Variants in SV2C observed in about 807,000 individuals in gnomAD.
SV2C encodes the protein synaptic vesicle glycoprotein 2C.
A neutral mutation model predicts 79.7 loss-of-function variants in SV2C; 49 were observed. The ratio of observed to expected loss-of-function variants is 0.61; its 90% CI spans 0.49 to 0.78. SV2C has a LOEUF of 0.78. Among genes scored for constraint, SV2C ranks in the 30% least tolerant of loss-of-function variants. The pLI is 0.00. For missense variants in SV2C, 833 were observed against 912.9 expected (o/e 0.91, Z 1.13); for synonymous variants, 334 against 333.2 (o/e 1.00, Z -0.03).
chr5:75,998,957 A>C, the SV2C span, among the ~76,000 whole-genome samples: 2 of 152,134 alleles, frequency 1.3e-5, no homozygotes, highest in African/African-American at 4.8e-5. Context: ...TACAAAAGAA[A>C]GAGTTTTAAT....
chr5:76,138,141 G>A (rs35273704), intron 2 of SV2C, among the ~76,000 whole-genome samples: 17,835 of 152,148 alleles, frequency 0.12, 1,122 homozygotes, highest in Non-Finnish European at 0.14. Context: ...CCCAGCTGTT[G>A]TTTCCTTTGT....
intron 4 of SV2C, among the ~76,000 whole-genome samples, chr5:76,219,629 G>A (rs527265846): frequency 6.6e-6 from 1 of 152,304 alleles, no homozygotes; most frequent in East Asian, 1.9e-4. Flanking sequence ...TTGTTTAGTA[G>A]GGGTAATATG....
chr5:76,174,854 A>T (rs1743473380), intron 2 of SV2C, among the ~76,000 whole-genome samples: 1 of 152,228 alleles, frequency 6.6e-6, no homozygotes, highest in Non-Finnish European at 1.5e-5. Context: ...CTGATGCTGG[A>T]GGCAGGCTTT....
chr5:75,941,667 G>T, the SV2C span, among the ~76,000 whole-genome samples: 1 of 152,190 alleles, frequency 6.6e-6, no homozygotes, highest in Non-Finnish European at 1.5e-5. Context: ...TATAACCCTT[G>T]TTATTGTCTT....
the SV2C span, among the ~76,000 whole-genome samples, chr5:75,976,264 A>G: frequency 6.6e-6 from 1 of 152,150 alleles, no homozygotes; most frequent in South Asian, 2.1e-4. Context: ...TTCAGATTTC[A>G]TATTCATTCT....
At chr5:75,935,068 G>A in the SV2C span, among the ~76,000 whole-genome samples, 1 of 151,940 alleles carries the variant, frequency 6.6e-6, no homozygotes, top group Non-Finnish European at 1.5e-5. Context: ...TTCCTATATG[G>A]TTACAGTTTA....
intron 2 of SV2C, among the ~76,000 whole-genome samples, chr5:76,158,878 G>T (rs535733948): frequency 6.6e-6 from 1 of 152,058 alleles, no homozygotes; most frequent in African/African-American, 2.4e-5. Context: ...TTTTTATTAT[G>T]CATGGAAAAA....
intron 2 of SV2C, among the ~76,000 whole-genome samples, chr5:76,155,440 T>A (rs1407917506): frequency 6.6e-6 from 1 of 152,180 alleles, no homozygotes; most frequent in East Asian, 1.9e-4. Context: ...CAACCAAGAA[T>A]GCAGAGCTCC....
chr5:76,173,629 T>C, intron 2 of SV2C: 4 of 1,610,682 alleles, frequency 2.5e-6, no homozygotes, highest in Non-Finnish European at 3.4e-6. Context: ...ATTTAGTATA[T>C]TAAAGCAGCT....
At chr5:76,102,889 G>T (rs1030888687) in intron 1 of SV2C, among the ~76,000 whole-genome samples, 2 of 152,154 alleles carry the variant, frequency 1.3e-5, no homozygotes, top group Admixed American at 6.5e-5. Flanking sequence ...ACCTAGAACT[G>T]CCAAGGCTTG....
chr5:76,177,124 AC>A (rs1358993920), intron 2 of SV2C, among the ~76,000 whole-genome samples: 7 of 146,634 alleles, frequency 4.8e-5, no homozygotes, highest in African/African-American at 1.8e-4. Context: ...CAAAAAAAAA[AC>A]AACAAAAAAC....
the SV2C span, among the ~76,000 whole-genome samples, chr5:75,891,244 G>T: frequency 1.3e-5 from 2 of 152,086 alleles, no homozygotes; most frequent in African/African-American, 4.8e-5. Flanking sequence ...GTCTGCAGAG[G>T]GGAAACAGAG....
At chr5:76,097,014 C>A (rs1440445998) in intron 1 of SV2C, among the ~76,000 whole-genome samples, 2 of 152,028 alleles carry the variant, frequency 1.3e-5, no homozygotes, top group African/African-American at 2.4e-5. Context: ...CATATGCATC[C>A]TTCTAGTTCT....
Position 76,194,981 on chromosome 5 carries a change from G to T in SV2C, c.643G>T (p.Val215Leu). The T allele has an allele frequency of 6.2e-7, 1 of 1,614,114 alleles. No individual in the cohort carries two copies. The highest frequency in any genetic ancestry group is 1.1e-5 in the South Asian group (1 of 91,072). The change falls in exon 3 of 13, where the codon GTG becomes TTG. Residue 215 changes from valine (V) to leucine (L), a missense_variant. Coordinates refer to ENST00000502798, the MANE Select transcript of SV2C (RefSeq NM_014979.4). ...AFFWGGLADK[V>L]GRKQSLLICM... ...CTTCTGGGGAGGACTGGCAGACAAA[G>T]TGGGAAGGAAACAGTCTCTTCTGAT...
intron 1 of SV2C, among the ~76,000 whole-genome samples, chr5:76,106,583 A>C (rs1173801999): frequency 6.6e-6 from 1 of 152,112 alleles, no homozygotes; most frequent in African/African-American, 2.4e-5. Flanking sequence ...CTCTGTTCCA[A>C]CCACACTGGC....
At chr5:76,069,507 A>G in the SV2C span, among the ~76,000 whole-genome samples, 1 of 152,142 alleles carries the variant, frequency 6.6e-6, no homozygotes, top group African/African-American at 2.4e-5. Context: ...CAGGCCTCAC[A>G]TTCCCTGTGG....
At chr5:75,959,327 A>T in the SV2C span, among the ~76,000 whole-genome samples, 1 of 151,924 alleles carries the variant, frequency 6.6e-6, no homozygotes, top group Non-Finnish European at 1.5e-5. Context: ...TCTGTCGTTT[A>T]TTCAGTGTTT....
At chr5:75,862,815 T>A in the SV2C span, among the ~76,000 whole-genome samples, 1 of 152,168 alleles carries the variant, frequency 6.6e-6, no homozygotes. Context: ...CAAATCTCAG[T>A]AGATACAGAA....
At chr5:76,205,204 T>C (rs1051002365) in intron 3 of SV2C, among the ~76,000 whole-genome samples, 2 of 152,028 alleles carry the variant, frequency 1.3e-5, no homozygotes, top group East Asian at 3.9e-4. Context: ...TGCCTGTGCA[T>C]TGGGGAGATT....
Sources: allele counts gnomAD v4.1 joint callset (sites outside exome capture counted in the v4.1 genomes callset), GRCh38; gene constraint gnomAD v4.1.1; transcripts MANE v1.5; gene names NCBI Gene and HGNC (gene_info 2026-07-23, HGNC 2026-07-21).